Variants in AFF3 observed in about 807,000 individuals in gnomAD.
The protein encoded by AFF3 is AF4/FMR2 family member 3.
AFF3 carries 32 observed loss-of-function variants against 129.7 expected under a neutral mutation model. The ratio of observed to expected loss-of-function variants is 0.25; its 90% CI spans 0.19 to 0.33. The LOEUF (loss-of-function observed/expected upper bound fraction) is 0.33. Among genes scored for constraint, AFF3 ranks in the 10% least tolerant of loss-of-function variants. The pLI is 1.00. For synonymous variants in AFF3, 644 were observed against 635.4 expected, an observed-to-expected ratio of 1.01 and a Z score of -0.20; for missense variants, 1,373 against 1,592.0, an observed-to-expected ratio of 0.86 and a Z score of 2.34.
intron 13 of AFF3, among the ~76,000 whole-genome samples, chr2:99,645,113 T>C (rs1306333765): frequency 6.6e-6 from 1 of 152,144 alleles, no homozygotes; most frequent in Non-Finnish European, 1.5e-5. Context: ...GGCAGGCAGA[T>C]CACTTGAGCC....
intron 7 of AFF3, among the ~76,000 whole-genome samples, chr2:100,004,019 T>A (rs1386355494): frequency 2.6e-5 from 4 of 152,050 alleles, no homozygotes; most frequent in Non-Finnish European, 5.9e-5. Context: ...TTGCACCTAG[T>A]TATTAATCTG....
Position 99,578,315 on chromosome 2 carries a change from G to T in AFF3, c.2918+12C>A, listed in dbSNP as rs76196419. On this transcript the variant is annotated intron_variant, in intron 18 of 24. Transcript: ENST00000672756. ...CTTGCCCCTCACCACATTTAAAAGC[G>T]TCTGAACTTACATATCATCGAAGAC... 6.3e-7 allele frequency: 1 copy of T among 1,592,964 alleles called. No individual in the cohort carries two copies. Among genetic ancestry groups the T allele is most frequent in the Non-Finnish European group, 8.5e-7 (1 of 1,172,426 alleles).
chr2:99,733,576 A>G (rs1206390943), intron 10 of AFF3, among the ~76,000 whole-genome samples: 2 of 152,182 alleles, frequency 1.3e-5, no homozygotes, highest in African/African-American at 4.8e-5. Context: ...ACTGTCTTCT[A>G]AAAGTATATA....
chr2:99,984,667 T>A (rs1576481360), intron 7 of AFF3, among the ~76,000 whole-genome samples: 2 of 152,292 alleles, frequency 1.3e-5, no homozygotes, highest in East Asian at 3.9e-4. Flanking sequence ...CAGTTCTATA[T>A]GGTCCAAGTC....
chr2:99,605,862 T>TG (rs1426829799), intron 13 of AFF3, among the ~76,000 whole-genome samples: 1 of 151,860 alleles, frequency 6.6e-6, no homozygotes, highest in Non-Finnish European at 1.5e-5. Context: ...TTTGTATTTT[T>TG]TTTTTTATAA....
At chr2:99,902,938 T>C (rs1694455969) in intron 7 of AFF3, among the ~76,000 whole-genome samples, 1 of 152,026 alleles carries the variant, frequency 6.6e-6, no homozygotes, top group South Asian at 2.1e-4. Context: ...TTTTTCTTTC[T>C]CTTTTACTCT....
rs759295536 is a variant in AFF3 at position 99,549,840 on chromosome 2, C to G, written c.*1634G>C. 48 of 220,380 alleles carry G rather than the reference C, an allele frequency of 2.2e-4. No homozygotes were observed. The highest frequency in any genetic ancestry group is 3.9e-4 in the Non-Finnish European group (43 of 110,134). The allele number at this position is 220,380 out of a possible 1,614,324, so 13.7% of individuals were successfully genotyped here. On this transcript the variant is annotated 3_prime_UTR_variant, in exon 25 of 25. Coordinates refer to ENST00000672756, the MANE Select transcript of AFF3 (RefSeq NM_001386135.1). ...CTAACAAAAATGTTAACACTGCAAA[C>G]CAACCTGTAAGAATATCAGTGAATG... is the stretch of plus-strand genomic sequence containing the variant.
intron 4 of AFF3, among the ~76,000 whole-genome samples, chr2:100,031,404 C>T (rs1005329913): frequency 2.6e-5 from 4 of 152,132 alleles, no homozygotes; most frequent in Admixed American, 2.0e-4. Flanking sequence ...TATGTATTAG[C>T]TTACTATAGA....
intron 12 of AFF3, among the ~76,000 whole-genome samples, chr2:99,666,495 T>C (rs757756378): frequency 6.6e-6 from 1 of 152,030 alleles, no homozygotes. Flanking sequence ...AAAAGAAAAT[T>C]AAAACCAGGA....
intron 4 of AFF3, among the ~76,000 whole-genome samples, chr2:100,034,666 C>T (rs1559074814): frequency 1.3e-5 from 2 of 152,022 alleles, no homozygotes; most frequent in African/African-American, 4.8e-5. Flanking sequence ...TTACACTTTA[C>T]ATAACAAAGA....
At chr2:99,993,014 C>T (rs1291956810) in intron 7 of AFF3, among the ~76,000 whole-genome samples, 1 of 152,176 alleles carries the variant, frequency 6.6e-6, no homozygotes, top group Non-Finnish European at 1.5e-5. Flanking sequence ...TTCCTTCTTC[C>T]TGATGGCTGG....
intron 4 of AFF3, among the ~76,000 whole-genome samples, chr2:100,057,626 C>T (rs1686909842): frequency 6.6e-6 from 1 of 152,164 alleles, no homozygotes; most frequent in Admixed American, 6.5e-5. Context: ...TTTGTCCTTC[C>T]TTTTCAGAAT....
chr2:99,965,439 T>C (rs1472715885), intron 7 of AFF3, among the ~76,000 whole-genome samples: 1 of 152,258 alleles, frequency 6.6e-6, no homozygotes. Context: ...TCCTGCTCTC[T>C]TTCCTGGAGT....
chr2:99,587,331 G>A, intron 15 of AFF3, 53 bp from the exon 16 acceptor site: 1 of 1,604,336 alleles, frequency 6.2e-7, no homozygotes, highest in African/African-American at 1.3e-5. Context: ...GAGGTATTAT[G>A]AGTTCCCAGG....
intron 7 of AFF3, among the ~76,000 whole-genome samples, chr2:99,867,004 A>ATAAT (rs1347678890): frequency 0.038 from 3,933 of 102,734 alleles, 106 homozygotes; most frequent in Non-Finnish European, 0.047. Context: ...TAATAATAAA[A>ATAAT]AATAAATAAA....
chr2:99,801,373 C>T (rs1387166400), intron 8 of AFF3, among the ~76,000 whole-genome samples: 1 of 152,156 alleles, frequency 6.6e-6, no homozygotes, highest in Non-Finnish European at 1.5e-5. Flanking sequence ...AAATGCACTA[C>T]AAAATATTTT....
intron 2 of AFF3, among the ~76,000 whole-genome samples, chr2:100,121,858 C>A (rs1015854151): frequency 6.6e-6 from 1 of 151,236 alleles, no homozygotes; most frequent in African/African-American, 2.4e-5. Context: ...GTCAGGAGAT[C>A]GAGACCATCC....
chr2:99,889,489 T>C (rs1363606547), intron 7 of AFF3, among the ~76,000 whole-genome samples: 2 of 152,220 alleles, frequency 1.3e-5, no homozygotes, highest in African/African-American at 2.4e-5. Flanking sequence ...CAGATTTATA[T>C]GAAAGGAGTA....
chr2:99,691,420 T>C (rs1253850008), intron 11 of AFF3, among the ~76,000 whole-genome samples: 1 of 152,192 alleles, frequency 6.6e-6, no homozygotes, highest in Admixed American at 6.5e-5. Flanking sequence ...TATTGTGCCC[T>C]TGTCCCCGCT....
Sources: gnomAD v4.1 joint callset for allele counts (sites outside exome capture counted in the v4.1 genomes callset) on GRCh38, gnomAD v4.1.1 for gene constraint, MANE v1.5 for transcripts, NCBI Gene and HGNC (gene_info 2026-07-23, HGNC 2026-07-21) for gene names.